The following CYP3A43 variants were observed in gnomAD, a reference collection of about 807,000 sequenced individuals.
The protein encoded by CYP3A43 is cytochrome P450 family 3 subfamily A member 43.
Under a neutral mutation model 58.0 loss-of-function variants are expected in CYP3A43, and 45 were observed. That is an observed-to-expected ratio of 0.78 (90% CI 0.61 to 0.99). The LOEUF (loss-of-function observed/expected upper bound fraction) is 0.99. CYP3A43 is among the 50% of genes least tolerant of loss of function. The pLI is 0.00. For synonymous variants in CYP3A43, 191 were observed against 201.4 expected (o/e 0.95, Z 0.44); for missense variants, 593 against 591.9 (o/e 1.00, Z -0.02).
At position 99,847,567 on chromosome 7, in the gene CYP3A43, T is replaced by C; in HGVS notation, c.398T>C (p.Leu133Pro). Residue 133 changes from leucine to proline, a missense_variant, in exon 5 of 13, where the codon CTA becomes CCA. Coordinates refer to ENST00000354829, the MANE Select transcript of CYP3A43 (RefSeq NM_057095.3). ...DEEWKRIRTL[L>P]SPAFTSVKFK... ...GAATGGAAGAGAATACGAACATTGC[T>C]ATCTCCAGCTTTCACCAGTGTAAAA... 2 of 1,613,988 alleles carry C rather than the reference T, an allele frequency of 1.2e-6. No homozygotes were observed. The highest frequency in any genetic ancestry group is 1.6e-4 in the Middle Eastern group (1 of 6,062).
rs45621431 is a variant in CYP3A43 at position 99,856,859 on chromosome 7, G to A, written c.825G>A (p.Met275Ile). 0.029 allele frequency: 46,966 copies of A among 1,613,812 alleles called. 760 individuals carry two copies. The highest frequency in any genetic ancestry group is 0.034 in the Non-Finnish European group (40,283 of 1,179,868). Reference protein sequence around the residue: ...QKHRVDFFQQMIDSQNSKETK... With the variant: ...QKHRVDFFQQIIDSQNSKETK... ...ATCGAGTAGATTTCTTTCAACAGATGATCGACTCCCAGAATTCCAAAGAAA... is the reference window on the plus strand; with the variant it reads ...ATCGAGTAGATTTCTTTCAACAGATAATCGACTCCCAGAATTCCAAAGAAA... The change falls in exon 9 of 13, where the codon ATG (methionine) becomes ATA (isoleucine). Residue 275 changes from methionine (M) to isoleucine (I), a missense_variant. By Grantham distance (10) the Met-to-Ile change is conservative (BLOSUM62 1). Transcript: ENST00000354829.
intron 7 of CYP3A43, among the ~76,000 whole-genome samples, chr7:99,854,828 G>A (rs747794992): frequency 4.6e-5 from 7 of 151,228 alleles, no homozygotes; most frequent in Non-Finnish European, 7.4e-5. Context: ...TTACTTAAAA[G>A]TGTATTGTTT....
chr7:99,836,294 T>C (rs997919712), intron 1 of CYP3A43, among the ~76,000 whole-genome samples, 159 bp from the exon 2 acceptor site: 8 of 152,224 alleles, frequency 5.3e-5, no homozygotes, highest in Admixed American at 5.2e-4. Context: ...AAAATCCTGC[T>C]ATAAAATGTA....
At chr7:99,843,578 G>C (rs562002496) in intron 3 of CYP3A43, among the ~76,000 whole-genome samples, 1 of 152,038 alleles carries the variant, frequency 6.6e-6, no homozygotes, top group African/African-American at 2.4e-5. Flanking sequence ...TGATTCTCCT[G>C]CCCTGGCTTC....
At chr7:99,838,967 A>G (rs2151595708) in intron 2 of CYP3A43, among the ~76,000 whole-genome samples, 153 bp from the exon 3 acceptor site, 1 of 152,298 alleles carries the variant, frequency 6.6e-6, no homozygotes, top group East Asian at 1.9e-4. Context: ...GCAGCAGAAA[A>G]AAAGGAAAAA....
intron 7 of CYP3A43, 107 bp from the exon 8 acceptor site, chr7:99,855,484 T>G: frequency 7.4e-7 from 1 of 1,359,170 alleles, no homozygotes; most frequent in Non-Finnish European, 9.8e-7. Flanking sequence ...TGGATCCTGG[T>G]TGAGAACCCT....
chr7:99,828,830 T>G (rs1816726729), intron 1 of CYP3A43, among the ~76,000 whole-genome samples: 1 of 152,180 alleles, frequency 6.6e-6, no homozygotes, highest in African/African-American at 2.4e-5. Context: ...TAAGGGAAGA[T>G]CTTCCAAAAA....
At chr7:99,855,764 T>C (rs1427987084) in intron 8 of CYP3A43, 46 bp downstream of exon 8, 4 of 1,547,258 alleles carry the variant, frequency 2.6e-6, no homozygotes, top group East Asian at 4.8e-5. Context: ...TTTTTTATTA[T>C]ATTTTTGGGC....
At position 99,855,465 on chromosome 7, in the gene CYP3A43, T is replaced by G. The variant is rs1817937050; in HGVS notation, c.671-126T>G. The G allele has an allele frequency of 3.2e-6, 4 of 1,245,258 alleles. No homozygotes were observed. The South Asian group carries it at 6.4e-5, about 20-fold the overall frequency. 77.1% of individuals were successfully genotyped at this position (1,245,258 alleles called of 1,614,324 possible). A position where few individuals can be genotyped will look rare whatever the true frequency, so the allele number is the denominator to read the frequency against. On this transcript the variant is annotated intron_variant, in intron 7 of 12. Transcript: ENST00000354829. Reference sequence around the variant, plus strand: ...CATACAGGAAGAGGGGCAAAGGTCATACAGGAAATGGATCCTGGTTGAGAA... The same window carrying G: ...CATACAGGAAGAGGGGCAAAGGTCAGACAGGAAATGGATCCTGGTTGAGAA...
chr7:99,838,717 C>T (rs1331756901), intron 2 of CYP3A43: 15 of 1,265,758 alleles, frequency 1.2e-5, no homozygotes, highest in Middle Eastern at 2.1e-4. Flanking sequence ...TGGTGGCTCA[C>T]GCCTGTAATC....
At chr7:99,839,651 G>T (rs1817252556) in intron 3 of CYP3A43, among the ~76,000 whole-genome samples, 1 of 152,104 alleles carries the variant, frequency 6.6e-6, no homozygotes, top group Non-Finnish European at 1.5e-5. Context: ...AAAGAATAAG[G>T]TTAAGAGCAG....
At position 99,848,180 on chromosome 7, in the gene CYP3A43, T is replaced by G; in HGVS notation, c.447T>G (p.Ile149Met). 6.2e-7 allele frequency: 1 copy of G among 1,614,184 alleles called. No individual in the cohort carries two copies. The highest frequency in any genetic ancestry group is 2.2e-5 in the East Asian group (1 of 44,878). ...SVKFKEMVPIISQCGDMLVRS... is the reference protein window; with the variant it reads ...SVKFKEMVPIMSQCGDMLVRS... ...TTGTGTTTTAGATGGTCCCCATCAT[T>G]TCCCAATGTGGAGATATGTTGGTGA... The change falls in exon 6 of 13, where the codon ATT becomes ATG. Residue 149 changes from isoleucine (I) to methionine (M), a missense_variant. Transcript: ENST00000354829.
chr7:99,852,134 C>A (rs1468470605), intron 7 of CYP3A43, among the ~76,000 whole-genome samples: 1 of 152,174 alleles, frequency 6.6e-6, no homozygotes, highest in Non-Finnish European at 1.5e-5. Flanking sequence ...GTATTCTGGA[C>A]TGTAAATTCT....
At chr7:99,833,197 T>A (rs1380936497) in intron 1 of CYP3A43, among the ~76,000 whole-genome samples, 2 of 152,146 alleles carry the variant, frequency 1.3e-5, no homozygotes, top group Non-Finnish European at 2.9e-5. Flanking sequence ...TTTTAAGGAA[T>A]CAGAGAGACT....
intron 12 of CYP3A43, 39 bp downstream of exon 12, chr7:99,863,738 T>G: frequency 1.4e-6 from 2 of 1,445,000 alleles, no homozygotes; most frequent in East Asian, 2.4e-5. Context: ...TATTGGGAGT[T>G]TTTTAAACTG....
In CYP3A43 at chr7:99,841,010, G is replaced by A. The variant is rs73156638; in HGVS notation, c.218+1838G>A. On this transcript the variant is annotated intron_variant, in intron 3 of 12. Transcript: ENST00000354829. ...TTGCTTGAGACCTGAATTTTCTTCTGCCATAGAGCTCCTTTCTGGGAGTTT... is the reference window on the plus strand; with the variant it reads ...TTGCTTGAGACCTGAATTTTCTTCTACCATAGAGCTCCTTTCTGGGAGTTT... 1.5e-3 allele frequency among the ~76,000 whole-genome samples: 228 copies of A among 152,262 alleles called. 1 individual carries two copies. Among genetic ancestry groups the A allele is most frequent in the Non-Finnish European group, 3.0e-3 (206 of 68,004 alleles).
At chr7:99,847,625 A>AT (rs1817585635) in intron 5 of CYP3A43, 24 bp downstream of exon 5, 1 of 1,612,136 alleles carries the variant, frequency 6.2e-7, no homozygotes, top group African/African-American at 1.3e-5. Flanking sequence ...GTGATTTATA[A>AT]TTAGAAACTT....
chr7:99,829,227 G>A lies in CYP3A43; in HGVS notation c.71+1041G>A, dbSNP rs60966462. ...AACAGAGCCCATTCATCAAGACAGG[G>A]GAATTGTAATAGAGAATGAGTTAAT... is the stretch of plus-strand genomic sequence containing the variant. On this transcript the variant is annotated intron_variant, in intron 1 of 12. Transcript: ENST00000354829. Among the ~76,000 whole-genome samples, 72 of 152,274 alleles carry A rather than the reference G, an allele frequency of 4.7e-4. No homozygotes were observed. The East Asian group carries it at 0.013, about 28-fold the overall frequency.
chr7:99,853,180 T>C, intron 7 of CYP3A43, among the ~76,000 whole-genome samples: 1 of 152,234 alleles, frequency 6.6e-6, no homozygotes, highest in East Asian at 1.9e-4. Context: ...ATATTAATTC[T>C]CCTTTAAATA....
Sources: allele counts gnomAD v4.1 joint callset (sites outside exome capture counted in the v4.1 genomes callset), GRCh38; gene constraint gnomAD v4.1.1; transcripts MANE v1.5; gene names NCBI Gene and HGNC (gene_info 2026-07-23, HGNC 2026-07-21).